The following TESMIN variants were observed in gnomAD, a reference collection of about 807,000 sequenced individuals.
The protein encoded by TESMIN is CXC domain containing 2.
TESMIN carries 34 observed loss-of-function variants against 47.4 expected under a neutral mutation model. That is an observed-to-expected ratio of 0.72 (90% CI 0.55 to 0.96). The LOEUF is 0.96. Ranked by LOEUF, TESMIN falls within the 40% of genes least tolerant of loss-of-function variation. The pLI is 0.00. For missense variants in TESMIN, 610 were observed against 637.2 expected, an observed-to-expected ratio of 0.96 and a Z score of 0.46; for synonymous variants, 278 against 258.9, an observed-to-expected ratio of 1.07 and a Z score of -0.71.
chr11:68,737,331 A>G, intron 6 of TESMIN: 1 of 985,528 alleles, frequency 1.0e-6, no homozygotes, highest in Non-Finnish European at 1.2e-6. Flanking sequence ...ACAACAGCTG[A>G]AAGAGCCACT....
chr11:68,711,276 AGAGT>A (rs1053399409), intron 8 of TESMIN, among the ~76,000 whole-genome samples: 6 of 145,982 alleles, frequency 4.1e-5, no homozygotes, highest in African/African-American at 1.0e-4. Context: ...TGAATGTGTA[AGAGT>A]GTGTGTGTGT....
chr11:68,711,435 G>A (rs1007050056), intron 8 of TESMIN, among the ~76,000 whole-genome samples: 6 of 95,076 alleles, frequency 6.3e-5, no homozygotes, highest in South Asian at 3.7e-4. Flanking sequence ...GAATGTGTGC[G>A]TTTGAGAGTG....
intron 6 of TESMIN, among the ~76,000 whole-genome samples, chr11:68,717,978 A>T (rs1946159611): frequency 6.6e-6 from 1 of 152,234 alleles, no homozygotes; most frequent in South Asian, 2.1e-4. Flanking sequence ...TGACCAGCCC[A>T]GGAGAAAATA....
intron 6 of TESMIN, among the ~76,000 whole-genome samples, chr11:68,718,276 GA>G (rs1466356100): frequency 6.7e-6 from 1 of 150,284 alleles, no homozygotes; most frequent in Non-Finnish European, 1.5e-5. Context: ...GGGGCCCAGA[GA>G]AACGGACCAT....
At chr11:68,742,863 GTTTTCTTTTTTTT>G (rs1349009206) in intron 4 of TESMIN, among the ~76,000 whole-genome samples, 15 of 151,614 alleles carry the variant, frequency 9.9e-5, no homozygotes, top group South Asian at 6.3e-4. Context: ...GATATTTTAT[GTTTTCTTTTTTTT>G]TTTTCTTTTT....
At chr11:68,746,177 A>ACC (rs1416037486) in intron 3 of TESMIN, among the ~76,000 whole-genome samples, 1 of 151,546 alleles carries the variant, frequency 6.6e-6, no homozygotes, top group African/African-American at 2.4e-5. Context: ...AGCTACACAC[A>ACC]CACACACACA....
chr11:68,732,384 A>T (rs1419807437), intron 6 of TESMIN, among the ~76,000 whole-genome samples: 1 of 152,210 alleles, frequency 6.6e-6, no homozygotes, highest in Non-Finnish European at 1.5e-5. Flanking sequence ...CCAAGTCCTT[A>T]GGAGTTACCT....
chr11:68,739,050 G>A (rs1478908710), intron 5 of TESMIN, among the ~76,000 whole-genome samples: 1 of 152,162 alleles, frequency 6.6e-6, no homozygotes, highest in African/African-American at 2.4e-5. Flanking sequence ...CCACGGGCTG[G>A]AGGCCGTCCA....
rs967393828 is a variant in TESMIN, at chr11:68,750,074, G to A, written c.471+116C>T. 1.9e-5 allele frequency: 16 copies of A among 825,322 alleles called. No individual in the cohort carries two copies. The Admixed American group carries it at 3.7e-4, about 19-fold the overall frequency. 51.1% of individuals were successfully genotyped at this position (825,322 alleles called of 1,614,324 possible). A position where few individuals can be genotyped will look rare whatever the true frequency, so the allele number is the denominator to read the frequency against. ...AATCAGTGACTCCGGTGGGCTGTGT[G>A]TGGTGTCACCAGGGAAAATGCTTGT... On this transcript the variant is annotated intron_variant, in intron 2 of 9. Coordinates refer to ENST00000255087, the MANE Select transcript of TESMIN (RefSeq NM_004923.3).
intron 2 of TESMIN, among the ~76,000 whole-genome samples, chr11:68,748,014 G>A (rs1237377716): frequency 6.6e-6 from 1 of 152,162 alleles, no homozygotes; most frequent in African/African-American, 2.4e-5. Context: ...AGGAGGACTG[G>A]GAAACCCACG....
At chr11:68,712,612 A>C (rs936280040) in intron 8 of TESMIN, among the ~76,000 whole-genome samples, 23 of 152,330 alleles carry the variant, frequency 1.5e-4, no homozygotes, top group African/African-American at 5.3e-4. Context: ...AATAGCAAAG[A>C]GAGGTGAAAC....
rs148760083 is a variant in TESMIN, at chr11:68,748,928, C to T, written c.471+1262G>A. ...TCGGCTCACTGCAGCCTTCGCCTCCCAGGTTCAAGCAATTCTCCTGCCTCA... is the reference window on the plus strand; with the variant it reads ...TCGGCTCACTGCAGCCTTCGCCTCCTAGGTTCAAGCAATTCTCCTGCCTCA... On this transcript the variant is annotated intron_variant, in intron 2 of 9. Transcript: ENST00000255087. Among the ~76,000 whole-genome samples, 343 of 152,292 alleles carry T rather than the reference C, an allele frequency of 2.3e-3. 2 individuals carry two copies. Among genetic ancestry groups the T allele is most frequent in the Non-Finnish European group, 3.7e-3 (254 of 68,020 alleles).
chr11:68,723,675 G>A (rs1009786849), intron 6 of TESMIN, among the ~76,000 whole-genome samples: 7 of 151,986 alleles, frequency 4.6e-5, no homozygotes, highest in Admixed American at 2.6e-4. Flanking sequence ...AGAACTGATC[G>A]AGAAAGTCTA....
Position 68,750,650 on chromosome 11 carries a change from CCCT to C in TESMIN, c.8_10del (p.Glu3del). On this transcript the variant is annotated inframe_deletion, in exon 2 of 10. Transcript: ENST00000255087. ...GCTGGGCAGCCCGCCCGGCAGAGGG[CCCT>C]CCTCCATGGCGCAGGGCGGCGGGGC... The C allele has an allele frequency of 6.4e-7, 1 of 1,552,384 alleles. No individual in the cohort carries two copies. The highest frequency in any genetic ancestry group is 1.2e-5 in the South Asian group (1 of 84,280).
intron 6 of TESMIN, chr11:68,736,766 G>A (rs1338460830): frequency 1.0e-6 from 1 of 972,826 alleles, no homozygotes; most frequent in Non-Finnish European, 1.2e-6. Flanking sequence ...AAGGAGAGAG[G>A]AAGAAGAGCA....
chr11:68,731,686 C>T (rs1594294835), intron 6 of TESMIN, among the ~76,000 whole-genome samples: 1 of 152,172 alleles, frequency 6.6e-6, no homozygotes, highest in East Asian at 1.9e-4. Flanking sequence ...GGAGGATCCC[C>T]AGCTTATGTT....
chr11:68,738,982 A>G (rs1006506405), intron 5 of TESMIN, among the ~76,000 whole-genome samples, 194 bp from the exon 6 acceptor site: 2 of 152,182 alleles, frequency 1.3e-5, no homozygotes, highest in East Asian at 3.9e-4. Flanking sequence ...GGTGTGTCAC[A>G]GCCTGTCTGG....
At chr11:68,713,996 C>T (rs1392748576) in intron 7 of TESMIN, among the ~76,000 whole-genome samples, 1 of 152,172 alleles carries the variant, frequency 6.6e-6, no homozygotes, top group Non-Finnish European at 1.5e-5. Context: ...ACCGCTGGGC[C>T]ATGCCTTTCC....
At chr11:68,736,291 G>A (rs1946386107) in intron 6 of TESMIN, 1 of 985,264 alleles carries the variant, frequency 1.0e-6, no homozygotes, top group South Asian at 4.7e-5. Context: ...TTATTAATAT[G>A]ATAAGCTAGT....
Sources: allele counts gnomAD v4.1 joint callset (sites outside exome capture counted in the v4.1 genomes callset), GRCh38; gene constraint gnomAD v4.1.1; transcripts MANE v1.5; gene names NCBI Gene and HGNC (gene_info 2026-07-23, HGNC 2026-07-21).